Variants in DRC1 observed in about 807,000 individuals in gnomAD.
The protein encoded by DRC1 is dynein regulatory complex subunit 1, also known as dynein regulatory complex protein 1.
DRC1 carries 74 observed loss-of-function variants against 98.7 expected under a neutral mutation model. The ratio of observed to expected loss-of-function variants is 0.75; its 90% confidence interval spans 0.62 to 0.91. The LOEUF is 0.91. Ranked by LOEUF, DRC1 falls within the 40% of genes least tolerant of loss-of-function variation. The pLI is 0.00. For missense variants in DRC1, 875 were observed against 886.0 expected, an observed-to-expected ratio of 0.99 and a Z score of 0.16; for synonymous variants, 336 against 334.1, an observed-to-expected ratio of 1.01 and a Z score of -0.06.
At chr2:26,429,954 A>C (rs894581402) in intron 5 of DRC1, among the ~76,000 whole-genome samples, 189 bp downstream of exon 5, 3 of 152,216 alleles carry the variant, frequency 2.0e-5, no homozygotes, top group Non-Finnish European at 4.4e-5. Context: ...AGTGTCTACT[A>C]TATGCTGGGC....
Position 26,453,345 on chromosome 2 carries a change from T to C in DRC1, c.1715T>C (p.Met572Thr), listed in dbSNP as rs777089934. ...ATCAAGCCCTGCAGTCAGGCGAGCA[T>C]GGAGAAGGCGAGCATGGAGGAGACA... ...LQIKPCSQASMEKASMEETST... is the reference protein window; with the variant it reads ...LQIKPCSQASTEKASMEETST... Residue 572 changes from methionine (M) to threonine (T), a missense_variant, in exon 14 of 17, where the codon ATG becomes ACG. Physicochemically the swap from Met to Thr is moderately conservative, Grantham distance 81. Coordinates refer to ENST00000288710, the MANE Select transcript of DRC1 (RefSeq NM_145038.5). 5 of 1,612,986 alleles carry C rather than the reference T, an allele frequency of 3.1e-6. No homozygotes were observed. The South Asian group carries it at 5.5e-5, about 18-fold the overall frequency.
chr2:26,430,503 G>T (rs1400883727), intron 5 of DRC1: 9 of 535,528 alleles, frequency 1.7e-5, no homozygotes, highest in African/African-American at 1.5e-4. Context: ...GCCAACAGGG[G>T]CACTGGCCTT....
Position 26,450,084 on chromosome 2 carries a change from C to G in DRC1, c.1598C>G (p.Ser533Cys). Residue 533 changes from serine to cysteine, a missense_variant and splice_region_variant, in exon 12 of 17, where the codon TCC becomes TGC. By Grantham distance (112) the Ser-to-Cys change is moderately radical. Transcript: ENST00000288710. ...CYLLRLDAIFSALGIESEDDL... is the reference protein window; with the variant it reads ...CYLLRLDAIFCALGIESEDDL... Reference sequence around the variant, plus strand: ...CTGCTGAGGCTGGATGCCATCTTCTCCGTGAGTCCAACGGGGCTGGGAGGA... The same window carrying G: ...CTGCTGAGGCTGGATGCCATCTTCTGCGTGAGTCCAACGGGGCTGGGAGGA... 6.2e-7 allele frequency: 1 copy of G among 1,612,498 alleles called. No individual in the cohort carries two copies. The highest frequency in any genetic ancestry group is 1.1e-5 in the South Asian group (1 of 90,716).
At position 26,454,093 on chromosome 2, in the gene DRC1, G is replaced by A. The variant is rs1664078874; in HGVS notation, c.1919+544G>A. Among the ~76,000 whole-genome samples the A allele has an allele frequency of 1.3e-5, 2 of 152,146 alleles. No homozygotes were observed. The highest frequency in any genetic ancestry group is 2.4e-5 in the African/African-American group (1 of 41,418). ...TGGGTGGGGAGCTAGCCAGGTCTTG[G>A]AGAGCCTTGCCCAATGTGCCCAAGA... On this transcript the variant is annotated intron_variant, in intron 14 of 16. Coordinates refer to ENST00000288710, the MANE Select transcript of DRC1 (RefSeq NM_145038.5). This position sits in a 1 kb window ranked among gnomAD's most constrained non-coding sequence, Gnocchi z 5.2.
chr2:26,403,795 CA>C lies in DRC1; in HGVS notation c.155+1671del, dbSNP rs397870483. 4.1e-3 allele frequency among the ~76,000 whole-genome samples: 313 copies of C among 77,240 alleles called. 1 individual carries two copies. Among genetic ancestry groups the C allele is most frequent in the African/African-American group, 0.012 (205 of 17,130 alleles). 50.7% of individuals were successfully genotyped at this position (77,240 alleles called of 152,430 possible). A position where few individuals can be genotyped will look rare whatever the true frequency, so the allele number is the denominator to read the frequency against. Reference sequence around the variant, plus strand: ...GGGTGACAAGCACAAAACTCCATCTCAAAAAAAAAAAAAAAAAAAATTGGGC... The same window carrying C: ...GGGTGACAAGCACAAAACTCCATCTCAAAAAAAAAAAAAAAAAAATTGGGC... On this transcript the variant is annotated intron_variant, in intron 1 of 16. Coordinates refer to ENST00000288710, the MANE Select transcript of DRC1 (RefSeq NM_145038.5).
chr2:26,434,533 T>C (rs780895047), intron 7 of DRC1, among the ~76,000 whole-genome samples: 13 of 152,220 alleles, frequency 8.5e-5, no homozygotes, highest in Non-Finnish European at 1.5e-4. Context: ...TTAATTTACA[T>C]TGTGCAAAGC....
intron 1 of DRC1, among the ~76,000 whole-genome samples, chr2:26,405,647 C>T (rs1464826448): frequency 1.8e-5 from 2 of 113,496 alleles, no homozygotes; most frequent in Admixed American, 9.7e-5. Context: ...TTTTTAAAGG[C>T]TATATCTTTT....
At chr2:26,448,848 G>A (rs370404883) in intron 11 of DRC1, 45 bp downstream of exon 11, 1 of 1,596,178 alleles carries the variant, frequency 6.3e-7, no homozygotes, top group African/African-American at 1.3e-5. Context: ...ACGGGGGTGT[G>A]CAGGTTCTGA....
At chr2:26,408,309 T>C (rs1287526960) in intron 1 of DRC1, among the ~76,000 whole-genome samples, 2 of 152,102 alleles carry the variant, frequency 1.3e-5, no homozygotes, top group Non-Finnish European at 2.9e-5. Flanking sequence ...GCAAGGATAC[T>C]TCATGGAAAA....
intron 1 of DRC1, among the ~76,000 whole-genome samples, chr2:26,410,405 G>A (rs895429931): frequency 2.0e-5 from 3 of 151,452 alleles, no homozygotes; most frequent in Non-Finnish European, 4.4e-5. Flanking sequence ...CCAAATAGCT[G>A]GGATTACAGA....
chr2:26,440,309 GTTA>G, intron 7 of DRC1, 66 bp from the exon 8 acceptor site: 1 of 1,408,990 alleles, frequency 7.1e-7, no homozygotes. Flanking sequence ...CAGGTGTAGA[GTTA>G]GTGTGTTTGT....
At position 26,430,897 on chromosome 2, in the gene DRC1, T is replaced by C. The variant is rs190556269; in HGVS notation, c.765+25T>C. 1.3e-4 allele frequency: 204 copies of C among 1,606,036 alleles called. No individual in the cohort carries two copies. The Admixed American group carries it at 3.3e-3, about 26-fold the overall frequency. On this transcript the variant is annotated intron_variant, in intron 6 of 16. Transcript: ENST00000288710. ...GGTAAAGGGTGGAGCCTGTCAAGAGTGATCCGTGGGGTCTGGGTGATTTTT... is the reference window on the plus strand; with the variant it reads ...GGTAAAGGGTGGAGCCTGTCAAGAGCGATCCGTGGGGTCTGGGTGATTTTT...
intron 13 of DRC1, among the ~76,000 whole-genome samples, chr2:26,451,459 A>G (rs906353076): frequency 1.3e-5 from 2 of 152,260 alleles, no homozygotes; most frequent in African/African-American, 4.8e-5. Context: ...GAAAAATGTG[A>G]ATGAAAAATG....
intron 1 of DRC1, among the ~76,000 whole-genome samples, chr2:26,408,911 A>G (rs1678508364): frequency 6.6e-6 from 1 of 152,064 alleles, no homozygotes; most frequent in Admixed American, 6.5e-5. Context: ...GTCAGCTTTA[A>G]AAAAAATTTA....
At chr2:26,450,866 T>C (rs190656808) in intron 13 of DRC1, among the ~76,000 whole-genome samples, 185 bp downstream of exon 13, 2 of 152,294 alleles carry the variant, frequency 1.3e-5, no homozygotes, top group Admixed American at 1.3e-4. Flanking sequence ...TCTCCTAATG[T>C]TATCCCTCCC....
chr2:26,419,819 G>A lies in DRC1; in HGVS notation c.244-1469G>A, dbSNP rs150020112. On this transcript the variant is annotated intron_variant, in intron 2 of 16. Coordinates refer to ENST00000288710, the MANE Select transcript of DRC1 (RefSeq NM_145038.5). ...TTGAATAACATCACAACAAGGCTAG[G>A]AGTGAAGATACTGGAGATGGAATTT... Among the ~76,000 whole-genome samples, 634 of 152,306 alleles carry A rather than the reference G, an allele frequency of 4.2e-3. 3 individuals are homozygous for A. The highest frequency in any genetic ancestry group is 0.012 in the African/African-American group (483 of 41,548).
At chr2:26,447,654 C>T (rs965562540) in intron 10 of DRC1, among the ~76,000 whole-genome samples, 2 of 151,544 alleles carry the variant, frequency 1.3e-5, no homozygotes, top group African/African-American at 4.8e-5. Flanking sequence ...GCAACCTCCA[C>T]CTCCTGGGTT....
intron 4 of DRC1, among the ~76,000 whole-genome samples, chr2:26,427,013 C>A (rs2147989052): frequency 1.3e-5 from 2 of 152,218 alleles, no homozygotes; most frequent in African/African-American, 4.8e-5. Context: ...GTATTTCATT[C>A]TTTTTGGTGC....
intron 2 of DRC1, among the ~76,000 whole-genome samples, chr2:26,418,672 TAAA>T (rs1678926273): frequency 1.2e-5 from 1 of 84,552 alleles, no homozygotes; most frequent in African/African-American, 5.3e-5. Flanking sequence ...TTATATAAAT[TAAA>T]TATAATTTAT....
Sources: allele counts gnomAD v4.1 joint callset (sites outside exome capture counted in the v4.1 genomes callset), GRCh38; gene constraint gnomAD v4.1.1; non-coding constraint Gnocchi (gnomAD v3.1); transcripts MANE v1.5; gene names NCBI Gene and HGNC (gene_info 2026-07-23, HGNC 2026-07-21).